The following RABEP1 variants were observed in gnomAD, a reference collection of about 807,000 sequenced individuals.
RABEP1 encodes rab GTPase-binding effector protein 1.
Under a neutral mutation model 123.4 loss-of-function variants are expected in RABEP1, and 51 were observed. The observed-to-expected ratio is 0.41, with a 90% CI of 0.33 to 0.52. RABEP1 has a LOEUF of 0.52. RABEP1 is among the 20% of genes least tolerant of loss of function. The probability of loss-of-function intolerance (pLI) is 0.16; values close to 1 mark genes in which losing one functional copy is unlikely to be tolerated. For missense variants in RABEP1, 888 were observed against 996.3 expected, an observed-to-expected ratio of 0.89 and a Z score of 1.46; for synonymous variants, 347 against 355.2, an observed-to-expected ratio of 0.98 and a Z score of 0.26.
chr17:5,284,975 T>TA (rs2074963531), intron 1 of RABEP1, among the ~76,000 whole-genome samples: 3 of 151,922 alleles, frequency 2.0e-5, no homozygotes, highest in Non-Finnish European at 1.5e-5. Flanking sequence ...TGATGACTTT[T>TA]TAAAAAAAAA....
intron 1 of RABEP1, among the ~76,000 whole-genome samples, chr17:5,295,507 A>G (rs538485327): frequency 2.6e-4 from 40 of 152,112 alleles, no homozygotes; most frequent in African/African-American, 9.4e-4. Flanking sequence ...TTCTATTTCA[A>G]AGGACACTGC....
At chr17:5,382,072 T>C (rs1407820188) in intron 17 of RABEP1, among the ~76,000 whole-genome samples, 2 of 142,068 alleles carry the variant, frequency 1.4e-5, no homozygotes, top group Non-Finnish European at 3.0e-5. Flanking sequence ...TTTTTCCCAA[T>C]GGAACTTCGG....
chr17:5,300,381 T>C (rs754574181), intron 1 of RABEP1, among the ~76,000 whole-genome samples: 6 of 152,214 alleles, frequency 3.9e-5, no homozygotes, highest in Non-Finnish European at 8.8e-5. Context: ...CATAGCGTCT[T>C]GGGAGGAAGA....
In RABEP1 at chr17:5,282,369, T is replaced by G. The variant is rs11538946; in HGVS notation, c.-118T>G. Reference sequence around the variant, plus strand: ...GCCGGCGGATCCAGCCTTAGCGGTTTCTCTCTGGGCGGCGGCGGCGGCGGC... The same window carrying G: ...GCCGGCGGATCCAGCCTTAGCGGTTGCTCTCTGGGCGGCGGCGGCGGCGGC... On this transcript the variant is annotated 5_prime_UTR_variant, in exon 1 of 18. Transcript: ENST00000537505. 4 of 824,832 alleles carry G rather than the reference T, an allele frequency of 4.8e-6. No individual in the cohort carries two copies. In the African/African-American group the frequency reaches 5.4e-5, roughly 11 times the overall value. 51.1% of individuals were successfully genotyped at this position (824,832 alleles called of 1,614,324 possible).
At chr17:5,371,442 T>C (rs1910526511) in intron 12 of RABEP1, 5 of 152,254 alleles carry the variant, frequency 3.3e-5, no homozygotes, top group Admixed American at 2.6e-4. Context: ...AATTTATTTT[T>C]GGCTTATCCT....
intron 1 of RABEP1, among the ~76,000 whole-genome samples, chr17:5,294,440 A>G (rs967835842): frequency 6.6e-6 from 1 of 151,936 alleles, no homozygotes; most frequent in African/African-American, 2.4e-5. Flanking sequence ...TATGACAACT[A>G]TTTACATAGT....
At chr17:5,304,405 C>T (rs1294503556) in intron 1 of RABEP1, among the ~76,000 whole-genome samples, 1 of 151,518 alleles carries the variant, frequency 6.6e-6, no homozygotes, top group Non-Finnish European at 1.5e-5. Context: ...TGTGGTAAAG[C>T]CCTGTCTCTA....
At chr17:5,328,561 A>G (rs2144588887) in intron 2 of RABEP1, among the ~76,000 whole-genome samples, 1 of 149,380 alleles carries the variant, frequency 6.7e-6, no homozygotes, top group South Asian at 2.1e-4. Flanking sequence ...TGAGAGGATC[A>G]CTTCAGCCTG....
intron 1 of RABEP1, 84 bp from the exon 2 acceptor site, chr17:5,308,610 A>G (rs1238042280): frequency 1.6e-5 from 20 of 1,265,694 alleles, no homozygotes; most frequent in Admixed American, 4.7e-5. Context: ...ACGTATAGCA[A>G]TGTACAGCTA....
intron 1 of RABEP1, among the ~76,000 whole-genome samples, chr17:5,297,076 G>A (rs892683270): frequency 2.0e-5 from 3 of 151,922 alleles, no homozygotes; most frequent in Non-Finnish European, 2.9e-5. Flanking sequence ...GACTTTTTCC[G>A]AATGTTTTGG....
rs1911643804 is a variant in RABEP1 at position 5,383,205 on chromosome 17, C to T, written c.2571C>T (p.Asn857=). 6.2e-7 allele frequency: 1 copy of T among 1,614,066 alleles called. No individual in the cohort carries two copies. The highest frequency in any genetic ancestry group is 8.5e-7 in the Non-Finnish European group (1 of 1,179,958). Reference sequence around the variant, plus strand: ...ATGATACTAAACTGACAGACATTAACCAGCTTCCTGAGACATGACACCCTC... The same window carrying T: ...ATGATACTAAACTGACAGACATTAATCAGCTTCCTGAGACATGACACCCTC... ...ILNDTKLTDI[N]QLPET is the part of the protein sequence containing the mutation. Residue 857 remains asparagine (N), a synonymous_variant, in exon 18 of 18, where the codon AAC becomes AAT. Transcript: ENST00000537505.
chr17:5,328,536 C>T (rs1025669241), intron 2 of RABEP1, among the ~76,000 whole-genome samples: 5 of 149,732 alleles, frequency 3.3e-5, no homozygotes, highest in East Asian at 2.0e-4. Context: ...GTCCCAGCTA[C>T]GTGGGAAGCT....
At position 5,331,930 on chromosome 17, in the gene RABEP1, C is replaced by CT. The variant is rs760895226; in HGVS notation, c.164-15dup. 1 of 1,609,476 alleles carries CT rather than the reference C, an allele frequency of 6.2e-7. No homozygotes were observed. Among genetic ancestry groups the CT allele is most frequent in the East Asian group, 2.2e-5 (1 of 44,834 alleles). ...ATCAAAGTGAACATTAATGGACTATCTTTTACTTTTCTCTCCAGAGGATCT... is the reference window on the plus strand; with the variant it reads ...ATCAAAGTGAACATTAATGGACTATCTTTTTACTTTTCTCTCCAGAGGATCT... On this transcript the variant is annotated intron_variant, in intron 2 of 17. Transcript: ENST00000537505.
intron 1 of RABEP1, among the ~76,000 whole-genome samples, chr17:5,286,460 C>T (rs1360236142): frequency 2.6e-5 from 4 of 152,032 alleles, no homozygotes; most frequent in Non-Finnish European, 5.9e-5. Flanking sequence ...TGCCACTGCA[C>T]TCCAGCCTGG....
rs60202531 is a variant in RABEP1, at chr17:5,320,421, CA to C, written c.164-11505del. On this transcript the variant is annotated intron_variant, in intron 2 of 17. Coordinates refer to ENST00000537505, the MANE Select transcript of RABEP1 (RefSeq NM_004703.6). ...TGAAATTTAAAAAATGCTAACACAC[CA>C]AAAAAAAAAAAAAAAAAAAAAAGAA... Among the ~76,000 whole-genome samples the C allele has an allele frequency of 7.0e-4, 59 of 84,642 alleles. 1 individual carries two copies. The highest frequency in any genetic ancestry group is 1.5e-3 in the African/African-American group (36 of 23,332). 55.5% of individuals were successfully genotyped at this position (84,642 alleles called of 152,430 possible).
rs1229629800 is a variant in RABEP1 at position 5,383,549 on chromosome 17, C to CCTAAAG, written c.*328_*333dup. 8.4e-6 allele frequency: 3 copies of CCTAAAG among 355,754 alleles called. No homozygotes were observed. The highest frequency in any genetic ancestry group is 1.6e-5 in the Non-Finnish European group (3 of 190,708). 22.0% of individuals were successfully genotyped at this position (355,754 alleles called of 1,614,324 possible). ...AGATTTTCGGAACACATTTCCCTACCCTAAAGCGACATCCCAGTAGTGTTT... is the reference window on the plus strand; with the variant it reads ...AGATTTTCGGAACACATTTCCCTACCCTAAAGCTAAAGCGACATCCCAGTAGTGTTT... On this transcript the variant is annotated 3_prime_UTR_variant, in exon 18 of 18. Coordinates refer to ENST00000537505, the MANE Select transcript of RABEP1 (RefSeq NM_004703.6).
intron 2 of RABEP1, among the ~76,000 whole-genome samples, chr17:5,314,007 AT>A (rs1182531357): frequency 6.6e-6 from 1 of 152,100 alleles, no homozygotes; most frequent in East Asian, 1.9e-4. Context: ...ATAAACCAGG[AT>A]TTTGATGTGG....
chr17:5,284,996 C>G (rs2074964021), intron 1 of RABEP1, among the ~76,000 whole-genome samples: 1 of 151,020 alleles, frequency 6.6e-6, no homozygotes, highest in Non-Finnish European at 1.5e-5. Context: ...AAAATATTGT[C>G]TGTTTTTCAT....
chr17:5,289,579 TTTAAA>T (rs1236252583), intron 1 of RABEP1, among the ~76,000 whole-genome samples: 1 of 152,070 alleles, frequency 6.6e-6, no homozygotes, highest in Admixed American at 6.6e-5. Context: ...TTTATTTATT[TTTAAA>T]TTAGAGAAGT....
Sources: gnomAD v4.1 joint callset for allele counts (sites outside exome capture counted in the v4.1 genomes callset) on GRCh38, gnomAD v4.1.1 for gene constraint, MANE v1.5 for transcripts, NCBI Gene and HGNC (gene_info 2026-07-23, HGNC 2026-07-21) for gene names.